The following PDZD2 variants were observed in gnomAD, a reference collection of about 807,000 sequenced individuals.
The protein encoded by PDZD2 is PDZ domain containing 2, also known as PDZ domain-containing protein 2.
PDZD2 carries 90 observed loss-of-function variants against 220.7 expected under a neutral mutation model. The ratio of observed to expected loss-of-function variants is 0.41; its 90% CI spans 0.34 to 0.49. The LOEUF is 0.49. Among genes scored for constraint, PDZD2 ranks in the 20% least tolerant of loss-of-function variants. The pLI, the probability that PDZD2 is intolerant of heterozygous loss-of-function variation, is 0.28. For synonymous variants in PDZD2, 1,375 were observed against 1,450.5 expected, an observed-to-expected ratio of 0.95 and a Z score of 1.18; for missense variants, 3,174 against 3,608.5, an observed-to-expected ratio of 0.88 and a Z score of 3.08.
At chr5:31,968,439 A>C (rs1272021873) in intron 2 of PDZD2, among the ~76,000 whole-genome samples, 1 of 152,032 alleles carries the variant, frequency 6.6e-6, no homozygotes, top group East Asian at 1.9e-4. Flanking sequence ...GGATCTCCTG[A>C]GGTTGGGAAT....
intron 2 of PDZD2, among the ~76,000 whole-genome samples, chr5:31,957,954 A>C (rs545037487): frequency 1.2e-4 from 18 of 152,328 alleles, no homozygotes; most frequent in African/African-American, 4.3e-4. Context: ...AATCTCTTTC[A>C]TCTTGCCACC....
intron 2 of PDZD2, among the ~76,000 whole-genome samples, chr5:31,863,717 CTG>C (rs545792960): frequency 9.9e-5 from 15 of 152,226 alleles, no homozygotes; most frequent in South Asian, 2.1e-4. Context: ...GTCAGTCCCT[CTG>C]TAAGTATACC....
chr5:31,785,738 G>T (rs1010228598), intron 1 of PDZD2, among the ~76,000 whole-genome samples: 2 of 152,050 alleles, frequency 1.3e-5, no homozygotes, highest in Non-Finnish European at 2.9e-5. Context: ...ACTGCACCCT[G>T]CCCAGCCCTG....
chr5:31,929,518 G>C (rs1745067047), intron 2 of PDZD2, among the ~76,000 whole-genome samples: 1 of 152,208 alleles, frequency 6.6e-6, no homozygotes, highest in Non-Finnish European at 1.5e-5. Context: ...CCCCAGTTGA[G>C]AACCACTGGC....
At chr5:31,867,009 A>G (rs1738287047) in intron 2 of PDZD2, among the ~76,000 whole-genome samples, 1 of 152,214 alleles carries the variant, frequency 6.6e-6, no homozygotes, top group Non-Finnish European at 1.5e-5. Flanking sequence ...TCTGGAGCAC[A>G]GTAAATGCCG....
intron 3 of PDZD2, among the ~76,000 whole-genome samples, chr5:31,983,949 C>A (rs768805718): frequency 3.9e-5 from 6 of 152,154 alleles, no homozygotes; most frequent in Admixed American, 3.9e-4. Flanking sequence ...AAAACTCAAG[C>A]CTTCTGTGTT....
At chr5:31,865,177 C>A (rs976274701) in intron 2 of PDZD2, among the ~76,000 whole-genome samples, 3 of 152,020 alleles carry the variant, frequency 2.0e-5, no homozygotes, top group Non-Finnish European at 4.4e-5. Flanking sequence ...TGTGTCTATT[C>A]TGTCCTTTTC....
Position 32,088,639 on chromosome 5 carries a change from G to A in PDZD2, c.5191G>A (p.Val1731Ile), listed in dbSNP as rs764351981. 4.0e-5 allele frequency: 64 copies of A among 1,613,914 alleles called. No homozygotes were observed. Among genetic ancestry groups the A allele is most frequent in the Non-Finnish European group, 5.3e-5 (62 of 1,179,978 alleles). Residue 1731 changes from valine (V) to isoleucine (I), a missense_variant, in exon 20 of 25, where the codon GTA becomes ATA. Coordinates refer to ENST00000438447, the MANE Select transcript of PDZD2 (RefSeq NM_178140.4). This position sits in a 1 kb window ranked among gnomAD's most constrained non-coding sequence, Gnocchi z 4.6. Reference protein sequence around the residue: ...PPIILSSPNMVNGLEHDLLDD... With the variant: ...PPIILSSPNMINGLEHDLLDD... ...CATCATTCTCAGCTCCCCCAACATG[G>A]TAAATGGCTTGGAACATGACCTGCT... is the stretch of plus-strand genomic sequence containing the variant.
intron 19 of PDZD2, among the ~76,000 whole-genome samples, chr5:32,078,638 TAAAAAA>T: frequency 9.5e-6 from 1 of 104,924 alleles, no homozygotes; most frequent in Non-Finnish European, 1.8e-5. Context: ...TCTCAAAAAT[TAAAAAA>T]AAAAAAAAAA....
At chr5:31,651,969 A>T (rs1745367182) in intron 1 of PDZD2, among the ~76,000 whole-genome samples, 1 of 147,784 alleles carries the variant, frequency 6.8e-6, no homozygotes, top group South Asian at 2.2e-4. Context: ...ATAGGTGCGC[A>T]CCACCATGCC....
chr5:31,911,193 A>G (rs1205193441), intron 2 of PDZD2, among the ~76,000 whole-genome samples: 1 of 152,238 alleles, frequency 6.6e-6, no homozygotes, highest in Non-Finnish European at 1.5e-5. Context: ...TTGATGGGAT[A>G]GTTACACTAT....
At chr5:31,694,802 T>TTTTTATTTTA (rs1747310020) in intron 1 of PDZD2, among the ~76,000 whole-genome samples, 1 of 143,746 alleles carries the variant, frequency 7.0e-6, no homozygotes, top group South Asian at 2.1e-4. Flanking sequence ...TATTTATTTT[T>TTTTTATTTTA]TTTTTGTGAA....
intron 1 of PDZD2, among the ~76,000 whole-genome samples, chr5:31,642,083 A>C (rs1443933851): frequency 1.3e-5 from 2 of 152,102 alleles, no homozygotes; most frequent in Non-Finnish European, 2.9e-5. Flanking sequence ...ATGTGGGCCT[A>C]AGTGACTCGG....
At chr5:32,045,373 T>C (rs916755725) in intron 7 of PDZD2, among the ~76,000 whole-genome samples, 7 of 152,146 alleles carry the variant, frequency 4.6e-5, no homozygotes, top group Non-Finnish European at 1.0e-4. Flanking sequence ...TTCCTTTTAA[T>C]TTTGGTACTT....
chr5:31,976,965 C>T lies in PDZD2; in HGVS notation c.477-6190C>T, dbSNP rs557909984. Reference sequence around the variant, plus strand: ...ACTCCTGACCCCATGATCCACCCGCCTTGGCCTCCTGAAGTGCTGGAATTA... The same window carrying T: ...ACTCCTGACCCCATGATCCACCCGCTTTGGCCTCCTGAAGTGCTGGAATTA... On this transcript the variant is annotated intron_variant, in intron 2 of 24. Coordinates refer to ENST00000438447, the MANE Select transcript of PDZD2 (RefSeq NM_178140.4). Among the ~76,000 whole-genome samples the T allele has an allele frequency of 3.3e-5, 5 of 151,444 alleles. No individual in the cohort carries two copies. In the East Asian group the frequency reaches 7.7e-4, roughly 23 times the overall value.
chr5:31,897,415 C>T (rs544078353), intron 2 of PDZD2, among the ~76,000 whole-genome samples: 1 of 152,262 alleles, frequency 6.6e-6, no homozygotes, highest in South Asian at 2.1e-4. Context: ...TCTCAGCCCT[C>T]AGAGTGTTGT....
chr5:31,819,016 T>C (rs1450407322), intron 2 of PDZD2, among the ~76,000 whole-genome samples: 1 of 152,180 alleles, frequency 6.6e-6, no homozygotes, highest in Non-Finnish European at 1.5e-5. Context: ...GGACAGTGAG[T>C]GAAAAGTTTC....
intron 1 of PDZD2, among the ~76,000 whole-genome samples, chr5:31,757,952 C>T (rs1405631603): frequency 6.6e-6 from 1 of 152,210 alleles, no homozygotes; most frequent in African/African-American, 2.4e-5. Flanking sequence ...GGTGAATTAA[C>T]TCTTGTTTTT....
chr5:31,933,932 T>C (rs570500219), intron 2 of PDZD2, among the ~76,000 whole-genome samples: 1 of 152,210 alleles, frequency 6.6e-6, no homozygotes, highest in African/African-American at 2.4e-5. Flanking sequence ...AGGTGGCTTG[T>C]GTACTTGCTG....
Sources: gnomAD v4.1 joint callset for allele counts (sites outside exome capture counted in the v4.1 genomes callset) on GRCh38, gnomAD v4.1.1 for gene constraint, Gnocchi (gnomAD v3.1) non-coding constraint, MANE v1.5 for transcripts, NCBI Gene and HGNC (gene_info 2026-07-23, HGNC 2026-07-21) for gene names.